The following EEA1 variants were observed in gnomAD, a reference collection of about 807,000 sequenced individuals.
The protein encoded by EEA1 is early endosome antigen 1, also known as early endosome antigen 1, 162kD.
EEA1 carries 111 observed loss-of-function variants against 209.2 expected under a neutral mutation model. The ratio of observed to expected loss-of-function variants is 0.53; its 90% CI spans 0.45 to 0.62. The LOEUF (loss-of-function observed/expected upper bound fraction) is 0.62, where lower values mean the gene tolerates loss of function less well. Among genes scored for constraint, EEA1 ranks in the 20% least tolerant of loss-of-function variants. The probability of loss-of-function intolerance (pLI) is 0.00; values close to 1 mark genes in which losing one functional copy is unlikely to be tolerated. For synonymous variants in EEA1, 536 were observed against 540.6 expected (o/e 0.99, Z 0.12); for missense variants, 1,343 against 1,530.8 (o/e 0.88, Z 2.05).
At chr12:92,838,221 T>C (rs1017285625) in intron 10 of EEA1, among the ~76,000 whole-genome samples, 1 of 152,210 alleles carries the variant, frequency 6.6e-6, no homozygotes, top group Non-Finnish European at 1.5e-5. Flanking sequence ...AATGTGCACG[T>C]GTGAATATAC....
intron 6 of EEA1, among the ~76,000 whole-genome samples, chr12:92,853,312 C>T (rs948919610): frequency 3.9e-5 from 6 of 151,906 alleles, no homozygotes; most frequent in African/African-American, 1.5e-4. Flanking sequence ...AGTTATTTTC[C>T]CATATCCATC....
intron 11 of EEA1, among the ~76,000 whole-genome samples, chr12:92,831,545 TG>T (rs1876634393): frequency 6.8e-6 from 1 of 147,272 alleles, no homozygotes; most frequent in Non-Finnish European, 1.5e-5. Flanking sequence ...TATCATGATA[TG>T]AATATCATGA....
chr12:92,849,608 CA>C (rs906107784), intron 9 of EEA1, among the ~76,000 whole-genome samples: 3 of 152,136 alleles, frequency 2.0e-5, no homozygotes, highest in Non-Finnish European at 4.4e-5. Flanking sequence ...ATCCAAATAT[CA>C]TAAGTTAGAG....
chr12:92,854,102 T>C (rs191341139), intron 5 of EEA1, 148 bp from the exon 6 acceptor site: 1 of 537,572 alleles, frequency 1.9e-6, no homozygotes, highest in African/African-American at 2.0e-5. Flanking sequence ...TGGTTTCCAT[T>C]CTTCCAGATC....
chr12:92,808,919 T>C, intron 18 of EEA1, 98 bp downstream of exon 18: 1 of 1,010,728 alleles, frequency 9.9e-7, no homozygotes, highest in Non-Finnish European at 1.4e-6. Context: ...CTAATAAGTC[T>C]TTAAGCACTA....
At chr12:92,801,171 T>C (rs1173147172) in intron 20 of EEA1, among the ~76,000 whole-genome samples, 2 of 152,106 alleles carry the variant, frequency 1.3e-5, no homozygotes, top group African/African-American at 4.8e-5. Flanking sequence ...TTAGTATGTG[T>C]ATAAATGTCC....
chr12:92,915,865 A>T (rs1399684998), intron 1 of EEA1, among the ~76,000 whole-genome samples: 1 of 152,198 alleles, frequency 6.6e-6, no homozygotes, highest in Non-Finnish European at 1.5e-5. Flanking sequence ...GTATCTGTAT[A>T]TGCTTAGTTT....
chr12:92,851,032 C>G, intron 9 of EEA1, 79 bp downstream of exon 9: 1 of 1,383,592 alleles, frequency 7.2e-7, no homozygotes, highest in Non-Finnish European at 9.6e-7. Flanking sequence ...TCAGAAAAAT[C>G]TCAAATCCTG....
intron 21 of EEA1, among the ~76,000 whole-genome samples, chr12:92,789,235 A>G (rs1408922900): frequency 6.0e-5 from 9 of 150,968 alleles, no homozygotes; most frequent in Admixed American, 3.3e-4. Context: ...TGTTGCAGTG[A>G]GCCGAGATCG....
intron 2 of EEA1, among the ~76,000 whole-genome samples, chr12:92,869,097 T>A (rs74757999): frequency 2.0e-5 from 3 of 152,132 alleles, no homozygotes; most frequent in Non-Finnish European, 2.9e-5. Flanking sequence ...CATGAACAGA[T>A]CGCATGACCT....
intron 1 of EEA1, 38 bp from the exon 2 acceptor site, chr12:92,891,759 C>A: frequency 7.1e-7 from 1 of 1,403,614 alleles, no homozygotes; most frequent in South Asian, 1.2e-5. Flanking sequence ...AAAAACAAAG[C>A]AGACATTAAC....
rs370620428 is a variant in EEA1, at chr12:92,891,559, A to G, written c.117+70T>C. The G allele has an allele frequency of 5.4e-4, 651 of 1,204,072 alleles. 3 individuals carry two copies. The African/African-American group carries it at 8.1e-3, about 15-fold the overall frequency. 74.6% of individuals were successfully genotyped at this position (1,204,072 alleles called of 1,614,324 possible). Reference sequence around the variant, plus strand: ...AGAACTTTTCCTATACAAATCACCAATCGTTACACCAAATATTTGCTCATT... The same window carrying G: ...AGAACTTTTCCTATACAAATCACCAGTCGTTACACCAAATATTTGCTCATT... On this transcript the variant is annotated intron_variant, in intron 2 of 28. Coordinates refer to ENST00000322349, the MANE Select transcript of EEA1 (RefSeq NM_003566.4).
intron 2 of EEA1, among the ~76,000 whole-genome samples, chr12:92,869,465 C>T (rs921347692): frequency 6.6e-6 from 1 of 151,812 alleles, no homozygotes; most frequent in Admixed American, 6.6e-5. Flanking sequence ...AAGCCCTGGC[C>T]GGGCGCAGTT....
Position 92,780,369 on chromosome 12 carries a change from C to A in EEA1, c.3379G>T (p.Ala1127Ser). The change falls in exon 24 of 29, where the codon GCA becomes TCA. Residue 1127 changes from alanine (A) to serine (S), a missense_variant. Transcript: ENST00000322349. ...CTACATTTAATTTCTTCTATCTCTG[C>A]CAATTTAGACTTCTCATTTACCAGT... ...KELVNEKSKL[A>S]EIEEIKCRQE... The A allele has an allele frequency of 1.3e-6, 2 of 1,581,316 alleles. No homozygotes were observed. Among genetic ancestry groups the A allele is most frequent in the Non-Finnish European group, 1.7e-6 (2 of 1,159,704 alleles).
At chr12:92,839,927 A>G (rs1198358363) in intron 10 of EEA1, among the ~76,000 whole-genome samples, 1 of 152,160 alleles carries the variant, frequency 6.6e-6, no homozygotes, top group East Asian at 1.9e-4. Flanking sequence ...AGGGTCAGGA[A>G]TCTAGAAGTG....
At chr12:92,829,352 T>A (rs1279485607) in intron 11 of EEA1, among the ~76,000 whole-genome samples, 1 of 152,090 alleles carries the variant, frequency 6.6e-6, no homozygotes, top group Non-Finnish European at 1.5e-5. Context: ...GCTAAATTTG[T>A]TTATCTGAAC....
intron 14 of EEA1, 86 bp downstream of exon 14, chr12:92,819,222 A>C: frequency 8.3e-7 from 1 of 1,210,186 alleles, no homozygotes; most frequent in Non-Finnish European, 1.1e-6. Context: ...AAGAGCAAGA[A>C]TGAAGAATCA....
chr12:92,851,673 A>G (rs1877636805), intron 8 of EEA1, among the ~76,000 whole-genome samples: 1 of 152,172 alleles, frequency 6.6e-6, no homozygotes, highest in Non-Finnish European at 1.5e-5. Context: ...TAATTTATAT[A>G]TTTATTGAGA....
At chr12:92,852,840 A>T in intron 7 of EEA1, 72 bp downstream of exon 7, 2 of 985,302 alleles carry the variant, frequency 2.0e-6, no homozygotes, top group Non-Finnish European at 1.6e-6. Flanking sequence ...TACTATATTT[A>T]TTGCTAGGGT....
Sources: allele counts gnomAD v4.1 joint callset (sites outside exome capture counted in the v4.1 genomes callset), GRCh38; gene constraint gnomAD v4.1.1; transcripts MANE v1.5; gene names NCBI Gene and HGNC (gene_info 2026-07-23, HGNC 2026-07-21).